The following ZNF385D variants were observed in gnomAD, a reference collection of about 807,000 sequenced individuals.
The protein encoded by ZNF385D is zinc finger protein 659.
A neutral mutation model predicts 35.8 loss-of-function variants in ZNF385D; 15 were observed. The observed-to-expected ratio is 0.42, with a 90% CI of 0.28 to 0.64. The LOEUF (loss-of-function observed/expected upper bound fraction) is 0.64, where lower values mean the gene tolerates loss of function less well. ZNF385D is among the 30% of genes least tolerant of loss of function. The probability of loss-of-function intolerance (pLI) is 0.23; values close to 1 mark genes in which losing one functional copy is unlikely to be tolerated. For synonymous variants in ZNF385D, 212 were observed against 186.8 expected, an observed-to-expected ratio of 1.13 and a Z score of -1.10; for missense variants, 474 against 494.6, an observed-to-expected ratio of 0.96 and a Z score of 0.39.
rs140190711 is a variant in ZNF385D, at chr3:21,590,248, G to A, written c.166-25564C>T. 5.8e-3 allele frequency among the ~76,000 whole-genome samples: 889 copies of A among 152,146 alleles called. 3 individuals carry two copies. Among genetic ancestry groups the A allele is most frequent in the African/African-American group, 0.02 (828 of 41,522 alleles). Reference sequence around the variant, plus strand: ...GGAGTGGAAAAATAAGTAATGGGAGGTTACTATGTTTATGTATATGCTATG... The same window carrying A: ...GGAGTGGAAAAATAAGTAATGGGAGATTACTATGTTTATGTATATGCTATG... On this transcript the variant is annotated intron_variant, in intron 2 of 7. Transcript: ENST00000281523.
chr3:22,020,688 T>C (rs1234816940), intron 3 of ZNF385D, among the ~76,000 whole-genome samples: 1 of 152,034 alleles, frequency 6.6e-6, no homozygotes, highest in Non-Finnish European at 1.5e-5. Flanking sequence ...GAATGCAAAT[T>C]AGTATAGCCT....
intron 2 of ZNF385D, among the ~76,000 whole-genome samples, chr3:21,663,929 A>ATTTATTT (rs1553633494): frequency 6.5e-5 from 9 of 137,890 alleles, no homozygotes; most frequent in Non-Finnish European, 9.4e-5. Context: ...TTATTTATTT[A>ATTTATTT]AATCCATCAT....
At chr3:22,199,246 T>A (rs538530125) in intron 2 of ZNF385D, among the ~76,000 whole-genome samples, 3 of 152,102 alleles carry the variant, frequency 2.0e-5, no homozygotes, top group Non-Finnish European at 4.4e-5. Flanking sequence ...TAAGCTATAA[T>A]TGTCTGCCCA....
chr3:22,356,728 A>G (rs1393667006), intron 2 of ZNF385D, among the ~76,000 whole-genome samples: 1 of 152,028 alleles, frequency 6.6e-6, no homozygotes, highest in Admixed American at 6.6e-5. Flanking sequence ...AATGCCATTC[A>G]AATGGGATAT....
At chr3:21,849,515 A>G (rs1278200510) in intron 3 of ZNF385D, 6 of 151,890 alleles carry the variant, frequency 4.0e-5, no homozygotes, top group Non-Finnish European at 5.9e-5. Flanking sequence ...ATGGGACATC[A>G]CAATAATTAA....
chr3:21,838,916 G>A (rs2670278), intron 3 of ZNF385D, among the ~76,000 whole-genome samples: 63,734 of 151,780 alleles, frequency 0.42, 13,974 homozygotes, highest in African/African-American at 0.56. Flanking sequence ...AACAATAACC[G>A]TGGGAACATA....
At chr3:22,126,386 G>C (rs9844547) in intron 3 of ZNF385D, among the ~76,000 whole-genome samples, 2,688 of 146,632 alleles carry the variant, frequency 0.018, 31 homozygotes, top group Non-Finnish European at 0.026. Flanking sequence ...TAAGGTTTGG[G>C]TATGTTGTGT....
intron 3 of ZNF385D, chr3:21,777,752 T>G (rs2071343997): frequency 6.6e-6 from 1 of 151,946 alleles, no homozygotes; most frequent in South Asian, 2.1e-4. Flanking sequence ...GTACTTGGTT[T>G]TGTGACCAGT....
At chr3:21,529,091 A>T (rs1429428347) in intron 3 of ZNF385D, among the ~76,000 whole-genome samples, 1 of 152,124 alleles carries the variant, frequency 6.6e-6, no homozygotes, top group Non-Finnish European at 1.5e-5. Context: ...GATAAACCCA[A>T]ATCACTTTTT....
chr3:22,088,900 G>A (rs2695642), intron 3 of ZNF385D, among the ~76,000 whole-genome samples: 56,814 of 151,846 alleles, frequency 0.37, 11,222 homozygotes, highest in Middle Eastern at 0.52. Context: ...AGAGAAGACC[G>A]TAAGGAAGCA....
At chr3:21,596,789 T>C (rs927572986) in intron 2 of ZNF385D, among the ~76,000 whole-genome samples, 1 of 152,026 alleles carries the variant, frequency 6.6e-6, no homozygotes, top group African/African-American at 2.4e-5. Context: ...ACAAGTAGTT[T>C]TAATTTCCCT....
At chr3:22,200,788 G>T (rs1201496101) in intron 2 of ZNF385D, among the ~76,000 whole-genome samples, 1 of 152,002 alleles carries the variant, frequency 6.6e-6, no homozygotes, top group African/African-American at 2.4e-5. Context: ...TCTTTCCCAG[G>T]GATGTTCCTT....
At chr3:21,653,877 A>G (rs1451527324) in intron 2 of ZNF385D, among the ~76,000 whole-genome samples, 1 of 152,106 alleles carries the variant, frequency 6.6e-6, no homozygotes, top group African/African-American at 2.4e-5. Context: ...TATCTGTCTT[A>G]TATCACAGGT....
chr3:22,233,994 A>G (rs1699037922), intron 2 of ZNF385D, among the ~76,000 whole-genome samples: 1 of 152,090 alleles, frequency 6.6e-6, no homozygotes, highest in African/African-American at 2.4e-5. Context: ...CTCAAAGTTC[A>G]AATACTTGAA....
intron 3 of ZNF385D, among the ~76,000 whole-genome samples, chr3:22,135,225 A>T (rs2125693524): frequency 6.6e-6 from 1 of 152,232 alleles, no homozygotes; most frequent in East Asian, 1.9e-4. Flanking sequence ...CAACTTCAAA[A>T]TTTGCAAAGA....
chr3:22,041,460 A>T (rs1211457693), intron 3 of ZNF385D, among the ~76,000 whole-genome samples: 2 of 152,182 alleles, frequency 1.3e-5, no homozygotes, highest in Non-Finnish European at 2.9e-5. Context: ...AAGCAAAACC[A>T]CAATTAAAAT....
intron 3 of ZNF385D, among the ~76,000 whole-genome samples, chr3:22,062,180 C>T (rs940885166): frequency 1.3e-5 from 2 of 151,876 alleles, no homozygotes; most frequent in Admixed American, 6.6e-5. Flanking sequence ...TGGGACTACC[C>T]GGGACTACAG....
intron 4 of ZNF385D, among the ~76,000 whole-genome samples, chr3:21,448,855 A>T: frequency 1.2e-5 from 1 of 86,886 alleles, no homozygotes; most frequent in East Asian, 2.9e-4. Flanking sequence ...AACTACAGCA[A>T]ACTGCCCCAG....
chr3:21,710,504 T>G (rs1327427658), intron 1 of ZNF385D, among the ~76,000 whole-genome samples: 1 of 152,174 alleles, frequency 6.6e-6, no homozygotes, highest in Admixed American at 6.5e-5. Context: ...CTCCATAACC[T>G]GAGAATCATT....
Sources: gnomAD v4.1 joint callset for allele counts (sites outside exome capture counted in the v4.1 genomes callset) on GRCh38, gnomAD v4.1.1 for gene constraint, MANE v1.5 for transcripts, NCBI Gene and HGNC (gene_info 2026-07-23, HGNC 2026-07-21) for gene names.